The following USP9X variants were observed in gnomAD, a reference collection of about 807,000 sequenced individuals.
The protein encoded by USP9X is ubiquitin carboxyl-terminal hydrolase 9X.
In USP9X, 7 loss-of-function variants were observed where a neutral mutation model predicts 190.3. The ratio of observed to expected loss-of-function variants is 0.04; its 90% CI spans 0.02 to 0.07. USP9X has a LOEUF of 0.07. Ranked by LOEUF, USP9X falls within the 10% of genes least tolerant of loss-of-function variation. The pLI is 1.00. For synonymous variants in USP9X, 645 were observed against 659.5 expected (o/e 0.98, Z 0.34); for missense variants, 1,010 against 1,916.9 (o/e 0.53, Z 8.83).
chrX:41,212,383 T>G (rs1490376501), intron 33 of USP9X, among the ~76,000 whole-genome samples: 2 of 103,507 alleles, frequency 1.9e-5, no homozygotes, highest in African/African-American at 7.1e-5. Flanking sequence ...CTTGTTTATC[T>G]GCTGACCTTC....
At chrX:41,139,963 G>C (rs2062407810) in intron 6 of USP9X, among the ~76,000 whole-genome samples, 1 of 111,496 alleles carries the variant, frequency 9.0e-6, no homozygotes, top group Non-Finnish European at 1.9e-5. Flanking sequence ...TTCATTTTAG[G>C]TTTTTACATA....
At chrX:41,192,158 T>G (rs1602018285) in intron 26 of USP9X, among the ~76,000 whole-genome samples, 1 of 112,225 alleles carries the variant, frequency 8.9e-6, no homozygotes, top group Non-Finnish European at 1.9e-5. Context: ...CTTTCCTGCT[T>G]AAAATCTTTC....
In USP9X at chrX:41,184,486, A is replaced by G. The variant is rs898295380; in HGVS notation, c.3369A>G (p.Leu1123=). 5.0e-6 allele frequency: 6 copies of G among 1,208,879 alleles called. No individual in the cohort carries two copies. The highest frequency in any genetic ancestry group is 1.8e-5 in the African/African-American group (1 of 56,751). The change falls in exon 23 of 45, where the codon CTA becomes CTG. Residue 1123 remains leucine (L), a synonymous_variant. Transcript: ENST00000378308. Reference sequence around the variant, plus strand: ...TTCACTTCTTGAAAAGTGGTGGCCTACCCCTTGTACTGAGTATGCTAACCA... The same window carrying G: ...TTCACTTCTTGAAAAGTGGTGGCCTGCCCCTTGTACTGAGTATGCTAACCA... ...FQFHFLKSGG[L]PLVLSMLTRN...
At chrX:41,129,211 A>T (rs1472651937) in intron 3 of USP9X, 66 bp downstream of exon 3, 3 of 1,071,089 alleles carry the variant, frequency 2.8e-6, no homozygotes, top group Non-Finnish European at 2.5e-6. Context: ...CCTCCTTAAT[A>T]GTCTTTATAG....
chrX:41,093,405 C>T (rs972323550), intron 1 of USP9X, among the ~76,000 whole-genome samples: 4 of 112,189 alleles, frequency 3.6e-5, no homozygotes, highest in African/African-American at 9.7e-5. Context: ...AAGTAAATGG[C>T]GCGATCTCGG....
At chrX:41,175,966 A>G (rs1474808334) in intron 21 of USP9X, among the ~76,000 whole-genome samples, 1 of 108,160 alleles carries the variant, frequency 9.2e-6, no homozygotes, top group Non-Finnish European at 1.9e-5. Context: ...ATCTCGGCTT[A>G]CTGCAACCTC....
At chrX:41,117,251 C>G (rs1159135464) in intron 1 of USP9X, among the ~76,000 whole-genome samples, 1 of 111,786 alleles carries the variant, frequency 8.9e-6, no homozygotes, top group Non-Finnish European at 1.9e-5. Context: ...AGGAGTTTCA[C>G]ACTGCCGCTT....
At chrX:41,120,091 T>G (rs1306031425) in intron 1 of USP9X, among the ~76,000 whole-genome samples, 1 of 112,102 alleles carries the variant, frequency 8.9e-6, no homozygotes, top group Non-Finnish European at 1.9e-5. Context: ...CTTAAAACTT[T>G]GTTTTGCTTC....
intron 1 of USP9X, among the ~76,000 whole-genome samples, chrX:41,119,034 T>C (rs759656175): frequency 1.8e-5 from 2 of 111,963 alleles, no homozygotes; most frequent in East Asian, 5.6e-4. Context: ...AAGTAGAACA[T>C]TGATCTGTGG....
At chrX:41,120,174 C>T (rs1383212686) in intron 1 of USP9X, among the ~76,000 whole-genome samples, 2 of 111,464 alleles carry the variant, frequency 1.8e-5, no homozygotes, top group Non-Finnish European at 3.8e-5. Context: ...GGTTGAGAGG[C>T]AGGCTAGTGT....
At chrX:41,211,480 T>A (rs1324372554) in intron 33 of USP9X, among the ~76,000 whole-genome samples, 4 of 113,524 alleles carry the variant, frequency 3.5e-5, no homozygotes, top group Non-Finnish European at 7.5e-5. Context: ...ATAATGACTT[T>A]TAAAATAGCA....
At chrX:41,220,947 A>AC (rs1428701336) in intron 38 of USP9X, among the ~76,000 whole-genome samples, 1 of 106,140 alleles carries the variant, frequency 9.4e-6, no homozygotes, top group Non-Finnish European at 1.9e-5. Flanking sequence ...CCGTCTCAAA[A>AC]AAAAAAAAAA....
intron 21 of USP9X, among the ~76,000 whole-genome samples, chrX:41,178,357 T>A (rs1213277790): frequency 1.8e-5 from 2 of 110,112 alleles, no homozygotes; most frequent in Non-Finnish European, 1.9e-5. Context: ...CACCTCGGCC[T>A]ACCAAAGTGC....
intron 23 of USP9X, 102 bp from the exon 24 acceptor site, chrX:41,186,415 A>G: frequency 5.2e-6 from 5 of 968,089 alleles, no homozygotes; most frequent in Non-Finnish European, 7.2e-6. Flanking sequence ...TGTATATGCA[A>G]GGAAGTCGTT....
At chrX:41,172,578 C>A (rs2062736530) in intron 21 of USP9X, among the ~76,000 whole-genome samples, 1 of 111,551 alleles carries the variant, frequency 9.0e-6, no homozygotes, top group African/African-American at 3.3e-5. Flanking sequence ...TACATACCCC[C>A]ACATCCTCCC....
At chrX:41,156,279 T>C (rs2062578121) in intron 14 of USP9X, among the ~76,000 whole-genome samples, 1 of 111,959 alleles carries the variant, frequency 8.9e-6, no homozygotes. Flanking sequence ...AGATCCAGCT[T>C]TCTTGTGTGG....
At chrX:41,110,191 C>T (rs1223322193) in intron 1 of USP9X, among the ~76,000 whole-genome samples, 1 of 111,272 alleles carries the variant, frequency 9.0e-6, no homozygotes, top group Non-Finnish European at 1.9e-5. Context: ...TCTCAGCCTC[C>T]GGAGTAGCTG....
intron 2 of USP9X, among the ~76,000 whole-genome samples, chrX:41,125,718 T>TCTCG (rs1176200100): frequency 8.1e-5 from 8 of 99,221 alleles, no homozygotes; most frequent in African/African-American, 1.2e-4. Flanking sequence ...TCTCTCTCTC[T>TCTCG]CGCGCACGCG....
At position 41,131,587 on chromosome X, in the gene USP9X, T is replaced by A. The variant is rs750895566; in HGVS notation, c.322+51T>A. On this transcript the variant is annotated intron_variant, in intron 4 of 44. Coordinates refer to ENST00000378308, the MANE Select transcript of USP9X (RefSeq NM_001039591.3). ...TATAATGTATGCTACTAGATGTATT[T>A]TTACTTTATCCCAAAAGCGGATGAA... is the stretch of plus-strand genomic sequence containing the variant. The A allele has an allele frequency of 2.0e-5, 22 of 1,084,645 alleles. No homozygotes were observed. The South Asian group carries it at 2.2e-4, about 11-fold the overall frequency. The allele number at this position is 1,084,645 out of a possible 1,213,427, so 89.4% of individuals were successfully genotyped here. A position where few individuals can be genotyped will look rare whatever the true frequency, so the allele number is the denominator to read the frequency against.
Sources: allele counts gnomAD v4.1 joint callset (sites outside exome capture counted in the v4.1 genomes callset), GRCh38; gene constraint gnomAD v4.1.1; transcripts MANE v1.5; gene names NCBI Gene and HGNC (gene_info 2026-07-23, HGNC 2026-07-21).